The following TRMO variants were observed in gnomAD, a reference collection of about 807,000 sequenced individuals.
TRMO encodes the protein tRNA (adenine(37)-N6)-methyltransferase.
In TRMO, 30 loss-of-function variants were observed where a neutral mutation model predicts 37.2. The ratio of observed to expected loss-of-function variants is 0.81; its 90% CI spans 0.60 to 1.09. The LOEUF is 1.09. Among genes scored for constraint, TRMO ranks in the 50% least tolerant of loss-of-function variants. The pLI is 0.00. For missense variants in TRMO, 552 were observed against 549.5 expected (o/e 1.00, Z -0.05); for synonymous variants, 239 against 199.4 (o/e 1.20, Z -1.67).
intron 2 of TRMO, chr9:97,913,850 G>A: frequency 3.3e-6 from 1 of 299,318 alleles, no homozygotes; most frequent in Non-Finnish European, 6.3e-6. Flanking sequence ...CTAAGTGTCT[G>A]CTGTTTGCCA....
At chr9:97,916,047 CA>C in intron 2 of TRMO, 116 bp downstream of exon 2, 1 of 689,772 alleles carries the variant, frequency 1.4e-6, no homozygotes, top group Non-Finnish European at 2.4e-6. Context: ...AAAAACAAAA[CA>C]AAACAAAGAT....
At chr9:97,904,436 A>T, downstream of TRMO, 1 of 1,134,380 alleles carries the variant, frequency 8.8e-7, no homozygotes, top group Non-Finnish European at 1.1e-6. Flanking sequence ...AACTTTGTCT[A>T]ATTTTATCAA....
intron 1 of TRMO, among the ~76,000 whole-genome samples, chr9:97,919,876 C>G (rs1386483897): frequency 6.6e-6 from 1 of 152,180 alleles, no homozygotes; most frequent in Non-Finnish European, 1.5e-5. Context: ...GAAGTATACT[C>G]AAGAGCTACT....
At chr9:97,908,366 C>T (rs1342505516) in intron 4 of TRMO, among the ~76,000 whole-genome samples, 2 of 145,992 alleles carry the variant, frequency 1.4e-5, no homozygotes, top group East Asian at 2.0e-4. Context: ...GAGCCGAGAT[C>T]GAGCCATTGC....
chr9:97,907,000 G>A (rs1230691370), intron 4 of TRMO, among the ~76,000 whole-genome samples: 1 of 152,144 alleles, frequency 6.6e-6, no homozygotes, highest in Non-Finnish European at 1.5e-5. Context: ...TTTTACAACT[G>A]ACCAGCCTCC....
chr9:97,900,528 A>G (rs975061698), downstream of TRMO, among the ~76,000 whole-genome samples: 2 of 152,246 alleles, frequency 1.3e-5, no homozygotes, highest in African/African-American at 4.8e-5. Flanking sequence ...GTGCTGAATC[A>G]TATGGAACTG....
intron 2 of TRMO, 87 bp from the exon 3 acceptor site, chr9:97,913,645 A>C (rs1313830178): frequency 2.4e-6 from 2 of 842,096 alleles, no homozygotes; most frequent in Non-Finnish European, 3.8e-6. Context: ...AAAAAAATGC[A>C]ATCTCCCACA....
chr9:97,919,119 G>T (rs1826500897), intron 1 of TRMO, among the ~76,000 whole-genome samples: 1 of 151,822 alleles, frequency 6.6e-6, no homozygotes, highest in Non-Finnish European at 1.5e-5. Flanking sequence ...TTAGTTTTTT[G>T]TTTTTTCTTT....
intron 2 of TRMO, among the ~76,000 whole-genome samples, chr9:97,913,762 C>G (rs1004551319): frequency 1.3e-5 from 2 of 152,176 alleles, no homozygotes; most frequent in African/African-American, 4.8e-5. Flanking sequence ...ATCTCCACAT[C>G]CTTTGCAGCT....
At chr9:97,908,411 C>CAAAAA (rs34633871) in intron 4 of TRMO, among the ~76,000 whole-genome samples, 34 of 98,704 alleles carry the variant, frequency 3.4e-4, no homozygotes, top group African/African-American at 6.0e-4. Context: ...GACTCCGTCT[C>CAAAAA]AAAAAAAAAA....
Position 97,909,950 on chromosome 9 carries a change from C to G in TRMO, c.1066+10G>C. Reference sequence around the variant, plus strand: ...TCATCTCTCATTCAGAATGAAGAAACTGAAGATACCTTGTGAACTGAGCTG... The same window carrying G: ...TCATCTCTCATTCAGAATGAAGAAAGTGAAGATACCTTGTGAACTGAGCTG... On this transcript the variant is annotated intron_variant, in intron 4 of 4. Transcript: ENST00000375119. 2 of 1,507,532 alleles carry G rather than the reference C, an allele frequency of 1.3e-6. No individual in the cohort carries two copies. Among genetic ancestry groups the G allele is most frequent in the Non-Finnish European group, 1.8e-6 (2 of 1,124,854 alleles). 93.4% of individuals were successfully genotyped at this position (1,507,532 alleles called of 1,614,324 possible).
intron 1 of TRMO, among the ~76,000 whole-genome samples, 167 bp from the exon 2 acceptor site, chr9:97,916,505 A>G (rs1296279139): frequency 6.6e-6 from 1 of 152,194 alleles, no homozygotes; most frequent in Non-Finnish European, 1.5e-5. Flanking sequence ...TATTCTCATC[A>G]TTACATACAC....
chr9:97,908,361 G>T (rs1332557927), intron 4 of TRMO, among the ~76,000 whole-genome samples: 1 of 146,782 alleles, frequency 6.8e-6, no homozygotes, highest in African/African-American at 2.5e-5. Flanking sequence ...GCAGTGAGCC[G>T]AGATCGAGCC....
At chr9:97,919,403 G>GA (rs1826520449) in intron 1 of TRMO, among the ~76,000 whole-genome samples, 1 of 149,444 alleles carries the variant, frequency 6.7e-6, no homozygotes, top group Admixed American at 6.7e-5. Context: ...AAAGAGAAAA[G>GA]AAAAAGGAAA....
rs143472962 is a variant in TRMO, at chr9:97,905,617, A to G, written c.1067-625T>C. ...TTTAATATGGTATGTATAAAACATA[A>G]ATTTAGAAAGTAACTGTGACCTAGT... On this transcript the variant is annotated intron_variant, in intron 4 of 4. Coordinates refer to ENST00000375119, the MANE Select transcript of TRMO (RefSeq NM_016481.5). 5.0e-4 allele frequency among the ~76,000 whole-genome samples: 76 copies of G among 152,360 alleles called. No individual in the cohort carries two copies. In the East Asian group the frequency reaches 0.014, roughly 27 times the overall value.
chr9:97,918,196 C>T (rs1826459554), intron 1 of TRMO, among the ~76,000 whole-genome samples: 1 of 150,122 alleles, frequency 6.7e-6, no homozygotes, highest in South Asian at 2.1e-4. Flanking sequence ...GCCTGGCCAA[C>T]ATGGTGAAAC....
At chr9:97,901,609 C>T (rs1264490075), downstream of TRMO, among the ~76,000 whole-genome samples, 1 of 151,986 alleles carries the variant, frequency 6.6e-6, no homozygotes, top group South Asian at 2.1e-4. Context: ...ACTTCAATTC[C>T]GGACATAAAA....
intron 4 of TRMO, among the ~76,000 whole-genome samples, chr9:97,905,648 A>C (rs1427264777): frequency 6.6e-6 from 1 of 152,200 alleles, no homozygotes; most frequent in Non-Finnish European, 1.5e-5. Flanking sequence ...CTAGTTTTTC[A>C]TAACTACAAC....
chr9:97,912,938 C>G, intron 3 of TRMO: 1 of 1,304,226 alleles, frequency 7.7e-7, no homozygotes, highest in South Asian at 1.2e-5. Context: ...CAGTTGACAT[C>G]AGCACTGCAG....
Sources: allele counts gnomAD v4.1 joint callset (sites outside exome capture counted in the v4.1 genomes callset), GRCh38; gene constraint gnomAD v4.1.1; transcripts MANE v1.5; gene names NCBI Gene and HGNC (gene_info 2026-07-23, HGNC 2026-07-21).